MYO18B: variants seen among roughly 807,000 people sequenced by gnomAD.
MYO18B encodes myosin XVIIIB.
MYO18B carries 204 observed loss-of-function variants against 273.0 expected under a neutral mutation model. That is an observed-to-expected ratio of 0.75 (90% CI 0.67 to 0.84). The LOEUF is 0.84. Ranked by LOEUF, MYO18B falls within the 40% of genes least tolerant of loss-of-function variation. MYO18B has a pLI of 0.00. For missense variants in MYO18B, 3,212 were observed against 3,287.6 expected, an observed-to-expected ratio of 0.98 and a Z score of 0.56; for synonymous variants, 1,330 against 1,305.7, an observed-to-expected ratio of 1.02 and a Z score of -0.40.
chr22:25,922,766 A>G (rs930842776), intron 34 of MYO18B, among the ~76,000 whole-genome samples: 2 of 152,190 alleles, frequency 1.3e-5, no homozygotes, highest in East Asian at 1.9e-4. Flanking sequence ...GCAGCAGACT[A>G]TAGCGCCAAG....
intron 39 of MYO18B, among the ~76,000 whole-genome samples, chr22:25,967,316 G>A: frequency 6.6e-6 from 1 of 152,160 alleles, no homozygotes. Flanking sequence ...TCACTTAATT[G>A]TATGCCAGGG....
At chr22:25,989,376 A>C (rs1256583094) in intron 39 of MYO18B, among the ~76,000 whole-genome samples, 1 of 152,146 alleles carries the variant, frequency 6.6e-6, no homozygotes, top group Non-Finnish European at 1.5e-5. Flanking sequence ...TTGGGATAGA[A>C]TCTAAGACAG....
intron 18 of MYO18B, among the ~76,000 whole-genome samples, chr22:25,844,962 C>T (rs866903855): frequency 6.6e-6 from 1 of 152,164 alleles, no homozygotes; most frequent in Admixed American, 6.5e-5. Flanking sequence ...AAGAGCAGGA[C>T]GATGCTACAA....
intron 11 of MYO18B, among the ~76,000 whole-genome samples, chr22:25,797,326 A>G (rs950931049): frequency 8.5e-5 from 13 of 152,126 alleles, no homozygotes; most frequent in African/African-American, 2.9e-4. Flanking sequence ...TGGGACTTCT[A>G]TTATATTAAA....
At chr22:25,805,847 T>A (rs966358440) in intron 12 of MYO18B, among the ~76,000 whole-genome samples, 1 of 152,200 alleles carries the variant, frequency 6.6e-6, no homozygotes, top group Non-Finnish European at 1.5e-5. Context: ...CTTCCCTTTG[T>A]CAACCCCTCA....
chr22:25,895,287 TGTG>T lies in MYO18B; in HGVS notation c.4668+9_4668+11del. The T allele has an allele frequency of 6.3e-7, 1 of 1,591,428 alleles. No homozygotes were observed. The highest frequency in any genetic ancestry group is 1.1e-5 in the South Asian group (1 of 87,158). On this transcript the variant is annotated splice_region_variant and intron_variant, in intron 28 of 43. Transcript: ENST00000335473. ...GAAAGAGCTGGAGCAAAAGGTAAGATGTGGGGATAGTCTGGGCCACAGAAGTGT... is the reference window on the plus strand; with the variant it reads ...GAAAGAGCTGGAGCAAAAGGTAAGATGGGATAGTCTGGGCCACAGAAGTGT...
intron 32 of MYO18B, 74 bp downstream of exon 32, chr22:25,908,506 G>A (rs536243152): frequency 1.2e-5 from 15 of 1,263,644 alleles, no homozygotes; most frequent in African/African-American, 8.9e-5. Flanking sequence ...TCCTTAGAGC[G>A]AGGAGTAGGA....
intron 21 of MYO18B, among the ~76,000 whole-genome samples, chr22:25,853,207 A>G (rs1042600052): frequency 1.3e-5 from 2 of 152,208 alleles, no homozygotes; most frequent in African/African-American, 2.4e-5. Context: ...CTCACAGACC[A>G]TGTGTTCACA....
At chr22:26,031,317 G>T (rs1466585011), downstream of MYO18B, among the ~76,000 whole-genome samples, 1 of 152,136 alleles carries the variant, frequency 6.6e-6, no homozygotes, top group Non-Finnish European at 1.5e-5. Flanking sequence ...TTGTGTTAGT[G>T]TTTGCTAGGG....
In MYO18B at chr22:25,903,727, T is replaced by TG. The variant is rs2091984180; in HGVS notation, c.5045dup (p.Cys1682TrpfsTer18). On this transcript the variant is annotated frameshift_variant, in exon 31 of 44. Transcript: ENST00000335473. LOFTEE classifies it high-confidence loss of function. The stretch of plus-strand genomic sequence containing the variant: ...GGGGTCACCCTCTCTGGGGGAAAAT[T>TG]GCGTTGCTGGCTTGAAGGAGAGGCT... The TG allele has an allele frequency of 6.2e-7, 1 of 1,607,570 alleles. No homozygotes were observed. Among genetic ancestry groups the TG allele is most frequent in the Non-Finnish European group, 8.5e-7 (1 of 1,176,996 alleles).
intron 39 of MYO18B, among the ~76,000 whole-genome samples, chr22:25,969,654 A>T (rs2093015545): frequency 6.8e-6 from 1 of 147,532 alleles, no homozygotes; most frequent in Admixed American, 7.1e-5. Flanking sequence ...AGCACAGAGT[A>T]GGCATAAAAA....
intron 19 of MYO18B, 116 bp downstream of exon 19, chr22:25,846,399 C>T (rs1262534069): frequency 2.0e-5 from 23 of 1,126,126 alleles, no homozygotes; most frequent in African/African-American, 9.5e-5. Context: ...GCCAGAGGGG[C>T]GAGTGTCACC....
At position 25,947,564 on chromosome 22, in the gene MYO18B, A is replaced by T. The variant is rs2092729552; in HGVS notation, c.5632-148A>T. On this transcript the variant is annotated intron_variant, in intron 35 of 43. Transcript: ENST00000335473. ...CACACCAAGCTGTTATACCTACCAC[A>T]TGCATTGGTAACCACAGCCACTCTT... 22 of 607,100 alleles carry T rather than the reference A, an allele frequency of 3.6e-5. 1 individual carries two copies. The highest frequency in any genetic ancestry group is 3.4e-4 in the South Asian group (19 of 55,158). 37.6% of individuals were successfully genotyped at this position (607,100 alleles called of 1,614,324 possible).
intron 21 of MYO18B, among the ~76,000 whole-genome samples, chr22:25,857,880 T>C (rs1474976573): frequency 1.3e-5 from 2 of 152,264 alleles, no homozygotes; most frequent in Non-Finnish European, 2.9e-5. Context: ...CTTGAACTCC[T>C]GACCTCAGAT....
At chr22:25,756,062 T>A (rs554965222) in intron 1 of MYO18B, among the ~76,000 whole-genome samples, 1 of 152,114 alleles carries the variant, frequency 6.6e-6, no homozygotes, top group East Asian at 1.9e-4. Context: ...CACGCCTAGC[T>A]AATTTTTTGT....
chr22:25,754,564 AGCCTCTCTCCCCTTT>A lies in MYO18B; in HGVS notation c.-109-6419_-109-6405del, dbSNP rs1292120545. Reference sequence around the variant, plus strand: ...CTTTGGGGTTGCGTTTTCTCTCCCCAGCCTCTCTCCCCTTTAAGGGGAGACTCGCGATTTTATACC... The same window carrying A: ...CTTTGGGGTTGCGTTTTCTCTCCCCAAAGGGGAGACTCGCGATTTTATACC... On this transcript the variant is annotated intron_variant, in intron 1 of 43. Coordinates refer to ENST00000335473, the MANE Select transcript of MYO18B (RefSeq NM_032608.7). Among the ~76,000 whole-genome samples, 64 of 152,252 alleles carry A rather than the reference AGCCTCTCTCCCCTTT, an allele frequency of 4.2e-4. 1 individual carries two copies. Among genetic ancestry groups the A allele is most frequent in the African/African-American group, 1.5e-3 (63 of 41,554 alleles).
Position 25,874,490 on chromosome 22 carries a change from A to G in MYO18B, c.4080+76A>G. Reference sequence around the variant, plus strand: ...GCATAGGGTCTGCCTGTCTTTCAGGATGATACCGGTGCACCGGGTCCAAGG... The same window carrying G: ...GCATAGGGTCTGCCTGTCTTTCAGGGTGATACCGGTGCACCGGGTCCAAGG... On this transcript the variant is annotated intron_variant, in intron 23 of 43. Coordinates refer to ENST00000335473, the MANE Select transcript of MYO18B (RefSeq NM_032608.7). The G allele has an allele frequency of 2.0e-6, 3 of 1,531,108 alleles. No homozygotes were observed. In the South Asian group the frequency reaches 3.6e-5, roughly 19 times the overall value. The allele number at this position is 1,531,108 out of a possible 1,614,324, so 94.8% of individuals were successfully genotyped here.
chr22:25,827,525 G>A (rs2089540241), intron 14 of MYO18B, among the ~76,000 whole-genome samples: 1 of 152,308 alleles, frequency 6.6e-6, no homozygotes, highest in African/African-American at 2.4e-5. Context: ...TCAGAGCCTA[G>A]GCAAAGGCTT....
intron 42 of MYO18B, among the ~76,000 whole-genome samples, chr22:26,017,997 G>A (rs185485073): frequency 7.6e-5 from 11 of 145,430 alleles, no homozygotes; most frequent in African/African-American, 2.8e-4. Flanking sequence ...TTTTGCGGGG[G>A]CAGGGGGTGT....
Sources: gnomAD v4.1 joint callset for allele counts (sites outside exome capture counted in the v4.1 genomes callset) on GRCh38, gnomAD v4.1.1 for gene constraint, MANE v1.5 for transcripts, NCBI Gene and HGNC (gene_info 2026-07-23, HGNC 2026-07-21) for gene names.